LEF1: variants seen among roughly 807,000 people sequenced by gnomAD.
LEF1 encodes the protein lymphoid enhancer-binding factor 1.
Under a neutral mutation model 51.2 loss-of-function variants are expected in LEF1, and 14 were observed. That is an observed-to-expected ratio of 0.27 (90% CI 0.18 to 0.43). LEF1 has a LOEUF of 0.43. Among genes scored for constraint, LEF1 ranks in the 20% least tolerant of loss-of-function variants. The pLI, the probability that LEF1 is intolerant of heterozygous loss-of-function variation, is 1.00. For synonymous variants in LEF1, 185 were observed against 183.2 expected (o/e 1.01, Z -0.08); for missense variants, 386 against 512.0 (o/e 0.75, Z 2.37).
intron 2 of LEF1, among the ~76,000 whole-genome samples, chr4:108,164,341 G>C (rs1488904144): frequency 1.3e-5 from 2 of 152,094 alleles, no homozygotes; most frequent in Non-Finnish European, 2.9e-5. Context: ...TCTTGTAGCT[G>C]AGGAAGAAGC....
chr4:108,075,996 C>G (rs561807200), intron 8 of LEF1, among the ~76,000 whole-genome samples: 1 of 142,974 alleles, frequency 7.0e-6, no homozygotes, highest in Non-Finnish European at 1.5e-5. Context: ...TTTGCCAGGA[C>G]GGTCCCCCAA....
intron 3 of LEF1, among the ~76,000 whole-genome samples, chr4:108,163,015 G>A (rs144242659): frequency 2.0e-4 from 30 of 151,954 alleles, no homozygotes; most frequent in African/African-American, 7.0e-4. Flanking sequence ...ACTTTCATTA[G>A]GGTTATCTTT....
intron 3 of LEF1, among the ~76,000 whole-genome samples, chr4:108,159,437 A>G (rs986251914): frequency 5.9e-5 from 9 of 152,260 alleles, no homozygotes; most frequent in Non-Finnish European, 1.0e-4. Context: ...TTTATAGGTT[A>G]AGTCAAATTC....
At chr4:108,065,584 A>G (rs1416985844) in intron 9 of LEF1, among the ~76,000 whole-genome samples, 4 of 152,120 alleles carry the variant, frequency 2.6e-5, no homozygotes, top group Non-Finnish European at 4.4e-5. Context: ...AGTGTTGGGG[A>G]GGATGATTTC....
At chr4:108,164,644 T>G (rs1199864926) in intron 2 of LEF1, among the ~76,000 whole-genome samples, 1 of 152,242 alleles carries the variant, frequency 6.6e-6, no homozygotes, top group Non-Finnish European at 1.5e-5. Flanking sequence ...TCTGCTCTGC[T>G]CATTTACTGC....
intron 3 of LEF1, among the ~76,000 whole-genome samples, chr4:108,140,425 T>G (rs1224677403): frequency 6.6e-6 from 1 of 152,218 alleles, no homozygotes; most frequent in East Asian, 1.9e-4. Context: ...AACTTTATTT[T>G]TCTCTTTTAT....
At position 108,168,154 on chromosome 4, in the gene LEF1, C is replaced by T. The variant is rs113217086; in HGVS notation, c.-387G>A. On this transcript the variant is annotated 5_prime_UTR_variant, in exon 1 of 12. Coordinates refer to ENST00000265165, the MANE Select transcript of LEF1 (RefSeq NM_016269.5). This position sits in a 1 kb window ranked among gnomAD's most constrained non-coding sequence, Gnocchi z 4.6. ...GCCGGGATTTGCGCGCGGAGAACGC[C>T]GGTTCTGGAGGGAGCACGCCTCCCC... 1.3e-5 allele frequency: 2 copies of T among 152,412 alleles called. No individual in the cohort carries two copies. Among genetic ancestry groups the T allele is most frequent in the Non-Finnish European group, 2.9e-5 (2 of 68,226 alleles). The allele number at this position is 152,412 out of a possible 1,614,324, so 9.4% of individuals were successfully genotyped here. A position where few individuals can be genotyped will look rare whatever the true frequency, so the allele number is the denominator to read the frequency against.
chr4:108,113,940 C>A (rs1189968893), intron 3 of LEF1, among the ~76,000 whole-genome samples: 1 of 152,090 alleles, frequency 6.6e-6, no homozygotes, highest in East Asian at 1.9e-4. Flanking sequence ...ATTTAAAAAA[C>A]CACTATATGA....
chr4:108,089,352 C>T, intron 3 of LEF1, 95 bp from the exon 4 acceptor site: 1 of 1,324,438 alleles, frequency 7.6e-7, no homozygotes, highest in Non-Finnish European at 1.0e-6. Flanking sequence ...AGTAACCAGT[C>T]ATCAACATAA....
Position 108,167,821 on chromosome 4 carries a change from G to C in LEF1, c.-54C>G. 6.7e-7 allele frequency: 1 copy of C among 1,491,430 alleles called. No homozygotes were observed. The highest frequency in any genetic ancestry group is 1.7e-5 in the Admixed American group (1 of 58,980). 92.4% of individuals were successfully genotyped at this position (1,491,430 alleles called of 1,614,324 possible). A position where few individuals can be genotyped will look rare whatever the true frequency, so the allele number is the denominator to read the frequency against. On this transcript the variant is annotated 5_prime_UTR_variant, in exon 1 of 12. Coordinates refer to ENST00000265165, the MANE Select transcript of LEF1 (RefSeq NM_016269.5). This position sits in a 1 kb window ranked among gnomAD's most constrained non-coding sequence, Gnocchi z 5.7. ...TGTGGGAGCACCCGCGCAACAGCAGGAAAGACAGAGGGGTAACTCAAGGGT... is the reference window on the plus strand; with the variant it reads ...TGTGGGAGCACCCGCGCAACAGCAGCAAAGACAGAGGGGTAACTCAAGGGT...
At chr4:108,107,550 T>A (rs181138907) in intron 3 of LEF1, among the ~76,000 whole-genome samples, 269 of 147,830 alleles carry the variant, frequency 1.8e-3, no homozygotes, top group African/African-American at 6.3e-3. Context: ...AGCTGTCTTG[T>A]AAAAAAAAAA....
chr4:108,093,195 A>G (rs182372063), intron 3 of LEF1, among the ~76,000 whole-genome samples: 1 of 152,290 alleles, frequency 6.6e-6, no homozygotes, highest in East Asian at 1.9e-4. Flanking sequence ...AGTCCTGCTC[A>G]CTACACAACT....
intron 4 of LEF1, among the ~76,000 whole-genome samples, chr4:108,083,900 T>C (rs930791865): frequency 6.6e-6 from 1 of 152,186 alleles, no homozygotes; most frequent in Non-Finnish European, 1.5e-5. Flanking sequence ...TATGGACATA[T>C]AGATTTGGGA....
In LEF1 at chr4:108,167,057, C is replaced by T. The variant is rs1298874433; in HGVS notation, c.213+498G>A. ...CTGCCCCAGCCCACGCCCGCCTCCCCTTCCTCCCGCCTGTGGCTCTGCTCG... is the reference window on the plus strand; with the variant it reads ...CTGCCCCAGCCCACGCCCGCCTCCCTTTCCTCCCGCCTGTGGCTCTGCTCG... On this transcript the variant is annotated intron_variant, in intron 1 of 11. Coordinates refer to ENST00000265165, the MANE Select transcript of LEF1 (RefSeq NM_016269.5). This position sits in a 1 kb window ranked among gnomAD's most constrained non-coding sequence, Gnocchi z 5.7. Among the ~76,000 whole-genome samples the T allele has an allele frequency of 2.6e-5, 4 of 152,262 alleles. No homozygotes were observed. In the South Asian group the frequency reaches 8.3e-4, roughly 32 times the overall value.
chr4:108,126,452 A>C (rs1333612800), intron 3 of LEF1, among the ~76,000 whole-genome samples: 5 of 152,162 alleles, frequency 3.3e-5, no homozygotes, highest in African/African-American at 4.8e-5. Context: ...ATTATAACTT[A>C]ATAGTTTCTC....
chr4:108,110,268 G>A (rs1034834957), intron 3 of LEF1, among the ~76,000 whole-genome samples: 27 of 152,172 alleles, frequency 1.8e-4, no homozygotes, highest in Admixed American at 3.9e-4. Context: ...TCCTTATAGA[G>A]CATGTTTTCA....
intron 3 of LEF1, among the ~76,000 whole-genome samples, chr4:108,156,390 A>T (rs970870950): frequency 6.6e-6 from 1 of 152,250 alleles, no homozygotes; most frequent in African/African-American, 2.4e-5. Flanking sequence ...AATGCAAAAA[A>T]TAAGAGAAAA....
chr4:108,140,729 A>G (rs544218725), intron 3 of LEF1, among the ~76,000 whole-genome samples: 32 of 152,380 alleles, frequency 2.1e-4, no homozygotes, highest in Non-Finnish European at 4.4e-4. Context: ...TAAAATAAAA[A>G]TAAATACCTC....
At chr4:108,098,415 G>A (rs1743439840) in intron 3 of LEF1, among the ~76,000 whole-genome samples, 1 of 151,812 alleles carries the variant, frequency 6.6e-6, no homozygotes, top group Non-Finnish European at 1.5e-5. Flanking sequence ...AGTGCAGATG[G>A]TCTGTTTAAA....
Sources: allele counts gnomAD v4.1 joint callset (sites outside exome capture counted in the v4.1 genomes callset), GRCh38; gene constraint gnomAD v4.1.1; non-coding constraint Gnocchi (gnomAD v3.1); transcripts MANE v1.5; gene names NCBI Gene and HGNC (gene_info 2026-07-23, HGNC 2026-07-21).